Variants in RBFOX1 observed in about 807,000 individuals in gnomAD.
The protein encoded by RBFOX1 is RNA binding fox-1 homolog 1.
Under a neutral mutation model 57.7 loss-of-function variants are expected in RBFOX1, and 8 were observed. That is an observed-to-expected ratio of 0.14 (90% CI 0.08 to 0.25). The LOEUF (loss-of-function observed/expected upper bound fraction) is 0.25, where lower values mean the gene tolerates loss of function less well. RBFOX1 is among the 10% of genes least tolerant of loss of function. The pLI, the probability that RBFOX1 is intolerant of heterozygous loss-of-function variation, is 1.00. For synonymous variants in RBFOX1, 326 were observed against 222.4 expected (o/e 1.47, Z -4.15); for missense variants, 611 against 548.5 (o/e 1.11, Z -1.14).
intron 4 of RBFOX1, among the ~76,000 whole-genome samples, chr16:5,956,527 C>G (rs1379604017): frequency 2.0e-5 from 3 of 151,332 alleles, no homozygotes; most frequent in Admixed American, 1.3e-4. Flanking sequence ...ACTGGGCTTC[C>G]TCTCTGAGAT....
chr16:6,703,351 T>C (rs937661630), intron 3 of RBFOX1, among the ~76,000 whole-genome samples: 1 of 151,610 alleles, frequency 6.6e-6, no homozygotes, highest in East Asian at 1.9e-4. Flanking sequence ...AGGCAGGAGG[T>C]TTGCTTGAGC....
At chr16:6,550,533 C>T (rs953480876) in intron 2 of RBFOX1, among the ~76,000 whole-genome samples, 1 of 151,888 alleles carries the variant, frequency 6.6e-6, no homozygotes, top group South Asian at 2.1e-4. Flanking sequence ...ATGATGTTGA[C>T]CAAGCTGGTG....
At chr16:5,552,842 C>T (rs62018421) in intron 2 of RBFOX1, among the ~76,000 whole-genome samples, 47,945 of 119,508 alleles carry the variant, frequency 0.4, 8,521 homozygotes, top group East Asian at 0.74. Flanking sequence ...CCTTGGGAAA[C>T]GAGGGAAAAG....
chr16:6,509,940 G>A (rs1263753124), intron 2 of RBFOX1, among the ~76,000 whole-genome samples: 1 of 152,182 alleles, frequency 6.6e-6, no homozygotes, highest in Non-Finnish European at 1.5e-5. Context: ...CTCCATAAGT[G>A]ATGGGATGTT....
At chr16:6,381,135 C>T (rs2091770196) in intron 2 of RBFOX1, among the ~76,000 whole-genome samples, 1 of 152,090 alleles carries the variant, frequency 6.6e-6, no homozygotes, top group African/African-American at 2.4e-5. Flanking sequence ...TGTCTGAGAG[C>T]TGGAGAAGAA....
chr16:6,397,061 G>A (rs909194234), intron 2 of RBFOX1, among the ~76,000 whole-genome samples: 6 of 152,018 alleles, frequency 3.9e-5, no homozygotes, highest in Non-Finnish European at 1.5e-5. Flanking sequence ...GTGATTTATG[G>A]GATAATATCA....
chr16:6,403,050 G>C (rs140427661), intron 2 of RBFOX1, among the ~76,000 whole-genome samples: 1 of 152,224 alleles, frequency 6.6e-6, no homozygotes, highest in East Asian at 1.9e-4. Context: ...TAGAGGCTTG[G>C]GTGCTGAGAG....
chr16:5,784,441 G>A (rs1315598037), intron 3 of RBFOX1, among the ~76,000 whole-genome samples: 2 of 147,558 alleles, frequency 1.4e-5, no homozygotes, highest in African/African-American at 5.1e-5. Context: ...AAAAAAAAAA[G>A]AGGAAGCAGG....
At chr16:6,402,057 G>A (rs1283828321) in intron 2 of RBFOX1, among the ~76,000 whole-genome samples, 1 of 151,350 alleles carries the variant, frequency 6.6e-6, no homozygotes, top group Admixed American at 6.6e-5. Context: ...CCAGGGAGAA[G>A]GGTCAGAAGG....
rs377071895 is a variant in RBFOX1 at position 6,351,126 on chromosome 16, G to C, written c.-64+34069G>C. On this transcript the variant is annotated intron_variant, in intron 2 of 15. Coordinates refer to ENST00000550418, the MANE Select transcript of RBFOX1 (RefSeq NM_018723.4). ...TTTATGACATAAAAGACATAATGGA[G>C]TCCCTGTCTTGACCTGGGGAGGCAG... Among the ~76,000 whole-genome samples, 20 of 152,124 alleles carry C rather than the reference G, an allele frequency of 1.3e-4. No individual in the cohort carries two copies. The East Asian group carries it at 3.5e-3, about 26-fold the overall frequency.
intron 4 of RBFOX1, among the ~76,000 whole-genome samples, chr16:5,877,941 C>G (rs2057656849): frequency 6.6e-6 from 1 of 152,148 alleles, no homozygotes; most frequent in Non-Finnish European, 1.5e-5. Flanking sequence ...TAAGCTAGTC[C>G]TCAATTTGGT....
chr16:7,611,972 G>T (rs1259022405), intron 10 of RBFOX1, among the ~76,000 whole-genome samples: 1 of 152,096 alleles, frequency 6.6e-6, no homozygotes, highest in Non-Finnish European at 1.5e-5. Context: ...AGCAAAAACA[G>T]CATTGATAAT....
intron 1 of RBFOX1, among the ~76,000 whole-genome samples, chr16:5,275,993 T>A (rs2063131202): frequency 6.6e-6 from 1 of 152,158 alleles, no homozygotes; most frequent in African/African-American, 2.4e-5. Context: ...TGTAAAAGAA[T>A]AAAACTGGAT....
intron 3 of RBFOX1, among the ~76,000 whole-genome samples, chr16:6,759,362 G>C (rs886383386): frequency 3.3e-5 from 5 of 152,020 alleles, no homozygotes; most frequent in Admixed American, 6.6e-5. Context: ...TGTTGGCCAG[G>C]CTGGTCTTGA....
intron 4 of RBFOX1, among the ~76,000 whole-genome samples, chr16:7,124,270 C>G (rs913194586): frequency 7.9e-5 from 12 of 152,006 alleles, no homozygotes; most frequent in Middle Eastern, 3.2e-3. Context: ...AAAAAATTGC[C>G]AGGTGTAGTG....
At chr16:6,842,640 T>A (rs1291724698) in intron 3 of RBFOX1, among the ~76,000 whole-genome samples, 6 of 138,542 alleles carry the variant, frequency 4.3e-5, no homozygotes, top group South Asian at 2.4e-4. Context: ...CTGTTTTTTT[T>A]AAATCTATTT....
chr16:5,645,672 A>G (rs1302014603), intron 3 of RBFOX1, among the ~76,000 whole-genome samples: 2 of 152,070 alleles, frequency 1.3e-5, no homozygotes, highest in Admixed American at 6.6e-5. Flanking sequence ...TTACATACGT[A>G]TTTTTTGTTC....
chr16:6,175,386 C>T (rs529687350), intron 1 of RBFOX1, among the ~76,000 whole-genome samples: 85 of 152,082 alleles, frequency 5.6e-4, no homozygotes, highest in Non-Finnish European at 9.8e-4. Context: ...ATTTATGATG[C>T]GCATTAGTAT....
At chr16:6,516,653 C>T (rs758570707) in intron 2 of RBFOX1, among the ~76,000 whole-genome samples, 5 of 152,156 alleles carry the variant, frequency 3.3e-5, no homozygotes, top group Non-Finnish European at 5.9e-5. Flanking sequence ...GGAAGACAAT[C>T]TGTTGATTGT....
Sources: allele counts gnomAD v4.1 joint callset (sites outside exome capture counted in the v4.1 genomes callset), GRCh38; gene constraint gnomAD v4.1.1; transcripts MANE v1.5; gene names NCBI Gene and HGNC (gene_info 2026-07-23, HGNC 2026-07-21).